Variants in TAS1R1 observed in about 807,000 individuals in gnomAD.
TAS1R1 encodes the protein taste receptor type 1 member 1.
TAS1R1 carries 31 observed loss-of-function variants against 45.8 expected under a neutral mutation model. That is an observed-to-expected ratio of 0.68 (90% CI 0.51 to 0.91). TAS1R1 has a LOEUF of 0.91. Among genes scored for constraint, TAS1R1 ranks in the 40% least tolerant of loss-of-function variants. The pLI is 0.00. For synonymous variants in TAS1R1, 437 were observed against 448.4 expected (o/e 0.97, Z 0.32); for missense variants, 1,051 against 1,063.9 (o/e 0.99, Z 0.17).
chr1:6,576,293 G>C (rs928062490), intron 3 of TAS1R1, 122 bp from the exon 4 acceptor site: 2 of 884,236 alleles, frequency 2.3e-6, no homozygotes, highest in Non-Finnish European at 3.6e-6. Flanking sequence ...AGGAAGGGAC[G>C]AGACCTTCCT....
intron 2 of TAS1R1, among the ~76,000 whole-genome samples, chr1:6,573,722 G>C (rs1388329140): frequency 4.0e-5 from 6 of 151,682 alleles, no homozygotes; most frequent in Non-Finnish European, 8.8e-5. Context: ...GAGTGCAGTG[G>C]CGCGATCTCG....
In TAS1R1 at chr1:6,571,098, AG is replaced by A; in HGVS notation, c.382del (p.Glu128SerfsTer16). The A allele has an allele frequency of 6.2e-7, 1 of 1,614,104 alleles. No individual in the cohort carries two copies. On this transcript the variant is annotated frameshift_variant, in exon 2 of 6. Transcript: ENST00000333172. LOFTEE classifies it high-confidence loss of function. The stretch of plus-strand genomic sequence containing the variant: ...TCTCCCTGCCAGGGCAACACCACAT[AG>A]AGCTCCAAGGAGACCTTCTCCACTA... ...VLSLPGQHHI[E>X]LQGDLLHYSP...
intron 1 of TAS1R1, among the ~76,000 whole-genome samples, chr1:6,570,683 C>T (rs550572883): frequency 6.6e-6 from 1 of 152,310 alleles, no homozygotes; most frequent in East Asian, 1.9e-4. Flanking sequence ...TAGCAGGTTT[C>T]TCTGCTCCAG....
At chr1:6,570,351 G>T (rs1639978621) in intron 1 of TAS1R1, among the ~76,000 whole-genome samples, 1 of 151,646 alleles carries the variant, frequency 6.6e-6, no homozygotes, top group Non-Finnish European at 1.5e-5. Context: ...GGGCCTGCAG[G>T]TGGTGAGAAA....
chr1:6,574,557 C>G lies in TAS1R1; in HGVS notation c.499-74C>G. 1 of 1,519,924 alleles carries G rather than the reference C, an allele frequency of 6.6e-7. No homozygotes were observed. The highest frequency in any genetic ancestry group is 8.8e-7 in the Non-Finnish European group (1 of 1,133,022). 94.2% of individuals were successfully genotyped at this position (1,519,924 alleles called of 1,614,324 possible). On this transcript the variant is annotated intron_variant, in intron 2 of 5. Coordinates refer to ENST00000333172, the MANE Select transcript of TAS1R1 (RefSeq NM_138697.4). This position sits in a 1 kb window ranked among gnomAD's most constrained non-coding sequence, Gnocchi z 4.3. ...TGGTCTCCCCGGCTCCCTGTATCCC[C>G]ACACCCAGCACAGGGCCAGGCACTG...
At chr1:6,555,962 T>C (rs888040216) in intron 1 of TAS1R1, among the ~76,000 whole-genome samples, 3 of 138,862 alleles carry the variant, frequency 2.2e-5, no homozygotes, top group Admixed American at 8.4e-5. Flanking sequence ...AGCTCCGCCT[T>C]CCGGGTTCAC....
chr1:6,566,745 G>C (rs1213093709), intron 1 of TAS1R1, among the ~76,000 whole-genome samples: 1 of 152,180 alleles, frequency 6.6e-6, no homozygotes, highest in African/African-American at 2.4e-5. Flanking sequence ...ACAGGTGCCC[G>C]CCACTGCGCC....
At chr1:6,559,674 G>C (rs1639747435) in intron 1 of TAS1R1, among the ~76,000 whole-genome samples, 1 of 144,466 alleles carries the variant, frequency 6.9e-6, no homozygotes, top group Non-Finnish European at 1.5e-5. Flanking sequence ...AAAAAAAAAA[G>C]CCTGAGGTTT....
In TAS1R1 at chr1:6,575,452, G is replaced by T. The variant is rs957765324; in HGVS notation, c.1260+60G>T. On this transcript the variant is annotated intron_variant, in intron 3 of 5. Transcript: ENST00000333172. Reference sequence around the variant, plus strand: ...AGAACAGCCAATCCTGAGATGAGCAGAGTGGGCACTCTCCGGTCACTCTAA... The same window carrying T: ...AGAACAGCCAATCCTGAGATGAGCATAGTGGGCACTCTCCGGTCACTCTAA... The T allele has an allele frequency of 8.7e-6, 13 of 1,486,484 alleles. No individual in the cohort carries two copies. In the Admixed American group the frequency reaches 1.7e-4, roughly 20 times the overall value. The allele number at this position is 1,486,484 out of a possible 1,614,324, so 92.1% of individuals were successfully genotyped here. A position where few individuals can be genotyped will look rare whatever the true frequency, so the allele number is the denominator to read the frequency against.
chr1:6,557,074 G>A (rs1028232966), intron 1 of TAS1R1, among the ~76,000 whole-genome samples: 5 of 151,102 alleles, frequency 3.3e-5, no homozygotes, highest in Non-Finnish European at 5.9e-5. Context: ...CAGACCCAGA[G>A]GCCCAAGAAT....
At chr1:6,568,720 G>A (rs1409675878) in intron 1 of TAS1R1, among the ~76,000 whole-genome samples, 1 of 152,138 alleles carries the variant, frequency 6.6e-6, no homozygotes, top group Non-Finnish European at 1.5e-5. Flanking sequence ...TCTTACTGGG[G>A]AACAGCAGCA....
chr1:6,562,803 G>A (rs1310138557), intron 1 of TAS1R1, among the ~76,000 whole-genome samples: 2 of 152,186 alleles, frequency 1.3e-5, no homozygotes, highest in Non-Finnish European at 2.9e-5. Context: ...TTCCACACAA[G>A]AAAAATGTAC....
intron 3 of TAS1R1, 146 bp from the exon 4 acceptor site, chr1:6,576,269 G>C: frequency 1.4e-6 from 1 of 726,278 alleles, no homozygotes; most frequent in Non-Finnish European, 2.3e-6. Flanking sequence ...GGAAGATTGA[G>C]GGGCTTCCTA....
At position 6,560,758 on chromosome 1, in the gene TAS1R1, A is replaced by G. The variant is rs538740363; in HGVS notation, c.191+5194A>G. ...AGCACTTTGGGAGGCTGAGGTGGGC[A>G]GATCACGAGGTCAGGAGATCGAGAC... On this transcript the variant is annotated intron_variant, in intron 1 of 5. Transcript: ENST00000333172. 3.9e-5 allele frequency among the ~76,000 whole-genome samples: 6 copies of G among 152,112 alleles called. No individual in the cohort carries two copies. The South Asian group carries it at 1.0e-3, about 26-fold the overall frequency.
intron 1 of TAS1R1, among the ~76,000 whole-genome samples, chr1:6,565,640 T>C (rs920423477): frequency 6.6e-6 from 1 of 151,998 alleles, no homozygotes; most frequent in Non-Finnish European, 1.5e-5. Flanking sequence ...GGAGACGGAG[T>C]CTCGCTCTGT....
intron 1 of TAS1R1, among the ~76,000 whole-genome samples, chr1:6,569,240 T>TGGG (rs1254591974): frequency 6.6e-6 from 1 of 151,992 alleles, no homozygotes; most frequent in Non-Finnish European, 1.5e-5. Context: ...AGTCATCGAC[T>TGGG]GGGGCTGTAG....
At chr1:6,555,866 CTTTTTTTTTT>C (rs770363613) in intron 1 of TAS1R1, among the ~76,000 whole-genome samples, 5 of 95,336 alleles carry the variant, frequency 5.2e-5, no homozygotes, top group African/African-American at 7.1e-5. Context: ...TTTCCCTCTT[CTTTTTTTTTT>C]TTTTTTTTTT....
chr1:6,565,871 A>G (rs1009320942), intron 1 of TAS1R1, among the ~76,000 whole-genome samples: 12 of 152,168 alleles, frequency 7.9e-5, no homozygotes, highest in African/African-American at 2.9e-4. Flanking sequence ...TGCATTCCTA[A>G]GAAAGAGAGA....
chr1:6,563,004 C>T (rs1196517836), intron 1 of TAS1R1, among the ~76,000 whole-genome samples: 5 of 152,232 alleles, frequency 3.3e-5, no homozygotes, highest in African/African-American at 2.4e-5. Context: ...TTGTGTCTAC[C>T]AGGAGCCATT....
Sources: gnomAD v4.1 joint callset for allele counts (sites outside exome capture counted in the v4.1 genomes callset) on GRCh38, gnomAD v4.1.1 for gene constraint, Gnocchi (gnomAD v3.1) non-coding constraint, MANE v1.5 for transcripts, NCBI Gene and HGNC (gene_info 2026-07-23, HGNC 2026-07-21) for gene names.